SMARCA1: variants seen among roughly 807,000 people sequenced by gnomAD.
SMARCA1 encodes the protein SNF2 related chromatin remodeling ATPase 1, also known as SWI/SNF-related matrix-associated actin-dependent regulator of chromatin subfamily A member 1.
SMARCA1 carries 17 observed loss-of-function variants against 93.6 expected under a neutral mutation model. That is an observed-to-expected ratio of 0.18 (90% CI 0.12 to 0.27). The LOEUF (loss-of-function observed/expected upper bound fraction) is 0.27, where lower values mean the gene tolerates loss of function less well. SMARCA1 is among the 10% of genes least tolerant of loss of function. SMARCA1 has a pLI of 1.00. For synonymous variants in SMARCA1, 271 were observed against 271.4 expected, an observed-to-expected ratio of 1.00 and a Z score of 0.01; for missense variants, 630 against 819.0, an observed-to-expected ratio of 0.77 and a Z score of 2.82.
chrX:129,448,949 CAAAACTGCAT>C (rs758485936), intron 23 of SMARCA1, among the ~76,000 whole-genome samples: 8 of 106,702 alleles, frequency 7.5e-5, no homozygotes, highest in Non-Finnish European at 1.5e-4. Flanking sequence ...CTACACATGA[CAAAACTGCAT>C]TGAACTGCAC....
chrX:129,487,740 A>G (rs1933954380), intron 16 of SMARCA1, among the ~76,000 whole-genome samples: 1 of 112,391 alleles, frequency 8.9e-6, no homozygotes, highest in Admixed American at 9.4e-5. Context: ...AAAGATAGAG[A>G]TGAAATCTCA....
intron 1 of SMARCA1, among the ~76,000 whole-genome samples, chrX:129,522,039 T>G: frequency 8.9e-6 from 1 of 112,092 alleles, no homozygotes; most frequent in Non-Finnish European, 1.9e-5. Flanking sequence ...ACCCACCTTT[T>G]TAAAATTGCG....
chrX:129,514,778 G>A (rs937964578), intron 5 of SMARCA1, among the ~76,000 whole-genome samples: 3 of 111,558 alleles, frequency 2.7e-5, no homozygotes, highest in Non-Finnish European at 5.7e-5. Context: ...CCAGGGTGGG[G>A]GTGGCTCACA....
At chrX:129,456,665 G>C (rs1385727436) in intron 23 of SMARCA1, among the ~76,000 whole-genome samples, 3 of 111,988 alleles carry the variant, frequency 2.7e-5, no homozygotes, top group African/African-American at 9.7e-5. Flanking sequence ...GACTTTGAGG[G>C]ATTCAAGACT....
chrX:129,509,997 T>C (rs770063806), intron 6 of SMARCA1, among the ~76,000 whole-genome samples: 1 of 112,569 alleles, frequency 8.9e-6, no homozygotes, highest in African/African-American at 3.2e-5. Context: ...ATCTATCCTA[T>C]GTTCTACCAA....
In SMARCA1 at chrX:129,518,381, G is replaced by T. The variant is rs1477642792; in HGVS notation, c.241C>A (p.Pro81Thr). 3 of 1,177,977 alleles carry T rather than the reference G, an allele frequency of 2.5e-6. No homozygotes were observed. The African/African-American group carries it at 5.4e-5, about 21-fold the overall frequency. The change falls in exon 2 of 25, where the codon CCA (proline) becomes ACA (threonine). Residue 81 changes from proline (P) to threonine (T), a missense_variant. Pro to Thr is a conservative substitution (Grantham distance 38, BLOSUM62 -1). Transcript: ENST00000371121. ...KAPKSEKEMD[P>T]EYEEKMKADR... ...TTTACCATTTTCTCTTCATATTCTG[G>T]GTCCATTTCCTTTTCAGATTTAGGC...
intron 9 of SMARCA1, 111 bp from the exon 10 acceptor site, chrX:129,499,952 A>G: frequency 2.9e-6 from 1 of 342,020 alleles, no homozygotes; most frequent in Non-Finnish European, 5.1e-6. Flanking sequence ...AGTCTGACAA[A>G]TACTACCAAT....
chrX:129,502,182 G>A (rs1934592879), intron 9 of SMARCA1, among the ~76,000 whole-genome samples: 1 of 111,592 alleles, frequency 9.0e-6, no homozygotes, highest in Admixed American at 9.6e-5. Flanking sequence ...GGATATGAAA[G>A]TATAGTGCTT....
chrX:129,453,120 G>A (rs971756309), intron 23 of SMARCA1, among the ~76,000 whole-genome samples: 35 of 111,119 alleles, frequency 3.1e-4, no homozygotes, highest in African/African-American at 1.0e-3. Flanking sequence ...CCTCCCTCAC[G>A]CTTCTATTCC....
At chrX:129,507,631 G>A (rs1569447444) in intron 7 of SMARCA1, among the ~76,000 whole-genome samples, 1 of 112,326 alleles carries the variant, frequency 8.9e-6, no homozygotes, top group Non-Finnish European at 1.9e-5. Flanking sequence ...TCGGCTCACT[G>A]CAACCTCCGC....
chrX:129,465,769 G>A, intron 22 of SMARCA1, 37 bp from the exon 23 acceptor site: 2 of 1,066,246 alleles, frequency 1.9e-6, no homozygotes, highest in Non-Finnish European at 2.5e-6. Context: ...TTAATTGAAT[G>A]TGCAGTAAGA....
At chrX:129,455,072 A>T (rs1460002312) in intron 23 of SMARCA1, among the ~76,000 whole-genome samples, 3 of 111,700 alleles carry the variant, frequency 2.7e-5, no homozygotes, top group Non-Finnish European at 5.6e-5. Flanking sequence ...CTAGAACCAG[A>T]AATACCATTG....
chrX:129,516,567 T>A, intron 2 of SMARCA1, 70 bp from the exon 3 acceptor site: 1 of 879,112 alleles, frequency 1.1e-6, no homozygotes, highest in Non-Finnish European at 1.6e-6. Flanking sequence ...AACAAATACT[T>A]ACTTTGAACA....
intron 9 of SMARCA1, 108 bp from the exon 10 acceptor site, chrX:129,499,949 C>T (rs1230270483): frequency 5.7e-6 from 2 of 352,300 alleles, no homozygotes; most frequent in Non-Finnish European, 9.8e-6. Context: ...CATAGTCTGA[C>T]AAATACTACC....
intron 17 of SMARCA1, among the ~76,000 whole-genome samples, chrX:129,482,584 C>G (rs1223407530): frequency 1.8e-5 from 2 of 111,217 alleles, no homozygotes; most frequent in East Asian, 5.6e-4. Flanking sequence ...TAATACTTAC[C>G]TTGAGGATTA....
intron 13 of SMARCA1, 114 bp from the exon 14 acceptor site, chrX:129,492,207 C>T: frequency 4.4e-6 from 2 of 450,432 alleles, no homozygotes; most frequent in South Asian, 4.4e-5. Context: ...AATCTTCACA[C>T]ACTTTATAAT....
At chrX:129,470,707 A>G (rs1933079698) in intron 20 of SMARCA1, among the ~76,000 whole-genome samples, 1 of 110,822 alleles carries the variant, frequency 9.0e-6, no homozygotes, top group Non-Finnish European at 1.9e-5. Flanking sequence ...CATCTCTACT[A>G]AAAACACAAA....
intron 6 of SMARCA1, among the ~76,000 whole-genome samples, chrX:129,510,364 A>T (rs1934980393): frequency 8.9e-6 from 1 of 112,657 alleles, no homozygotes; most frequent in Admixed American, 9.4e-5. Flanking sequence ...GTAGCAACTC[A>T]CAATTTGAAA....
chrX:129,449,396 C>T (rs747840062), intron 23 of SMARCA1, among the ~76,000 whole-genome samples: 1 of 111,635 alleles, frequency 9.0e-6, no homozygotes, highest in Non-Finnish European at 1.9e-5. Flanking sequence ...TTCTTCTCAC[C>T]GGACATCTTG....
Sources: allele counts gnomAD v4.1 joint callset (sites outside exome capture counted in the v4.1 genomes callset), GRCh38; gene constraint gnomAD v4.1.1; transcripts MANE v1.5; gene names NCBI Gene and HGNC (gene_info 2026-07-23, HGNC 2026-07-21).